USP25: variants seen among roughly 807,000 people sequenced by gnomAD.
USP25 encodes ubiquitin specific peptidase 25.
A neutral mutation model predicts 158.5 loss-of-function variants in USP25; 85 were observed. That is an observed-to-expected ratio of 0.54 (90% CI 0.45 to 0.64). The LOEUF is 0.64. Ranked by LOEUF, USP25 falls within the 30% of genes least tolerant of loss-of-function variation. The probability of loss-of-function intolerance (pLI) is 0.00; values close to 1 mark genes in which losing one functional copy is unlikely to be tolerated. For synonymous variants in USP25, 464 were observed against 460.4 expected, an observed-to-expected ratio of 1.01 and a Z score of -0.10; for missense variants, 1,242 against 1,327.3, an observed-to-expected ratio of 0.94 and a Z score of 1.00.
intron 3 of USP25, among the ~76,000 whole-genome samples, chr21:15,775,800 A>G (rs111619360): frequency 8.1e-6 from 1 of 123,522 alleles, no homozygotes; most frequent in Non-Finnish European, 1.6e-5. Flanking sequence ...AGTGCATTCT[A>G]ATGGATGAGG....
chr21:15,767,986 G>T (rs371881763), intron 3 of USP25, among the ~76,000 whole-genome samples: 114 of 152,126 alleles, frequency 7.5e-4, no homozygotes, highest in Middle Eastern at 3.4e-3. Context: ...TTTTGAATAG[G>T]TTCCCTTAGG....
At chr21:15,829,818 C>A (rs923756579) in intron 14 of USP25, among the ~76,000 whole-genome samples, 4 of 151,930 alleles carry the variant, frequency 2.6e-5, no homozygotes, top group Non-Finnish European at 5.9e-5. Flanking sequence ...AGGATCTTAT[C>A]TTTTCCTATA....
At chr21:15,874,262 A>G in intron 23 of USP25, 141 bp from the exon 24 acceptor site, 1 of 704,326 alleles carries the variant, frequency 1.4e-6, no homozygotes, top group Non-Finnish European at 2.1e-6. Flanking sequence ...TCTCAAGCAT[A>G]CACTGCGTCA....
At chr21:15,751,082 G>A (rs2032981382) in intron 1 of USP25, among the ~76,000 whole-genome samples, 1 of 152,192 alleles carries the variant, frequency 6.6e-6, no homozygotes, top group South Asian at 2.1e-4. Flanking sequence ...ACAGATGATT[G>A]GCTGCTAGAG....
chr21:15,770,948 A>G (rs2034315026), intron 3 of USP25, among the ~76,000 whole-genome samples: 1 of 152,208 alleles, frequency 6.6e-6, no homozygotes, highest in South Asian at 2.1e-4. Flanking sequence ...TTCTTGCAAC[A>G]TGATACCTTA....
In USP25 at chr21:15,730,005, T is replaced by A. The variant is rs1428239850; in HGVS notation, c.-389T>A. On this transcript the variant is annotated 5_prime_UTR_variant, in exon 1 of 26. Transcript: ENST00000400183. ...CCATTCCGGGCGGCCGCTCCCTCCG[T>A]CCCCTCTCTCCCTTCCCCAAAGCAG... 6.6e-6 allele frequency: 1 copy of A among 151,370 alleles called. No individual in the cohort carries two copies. The highest frequency in any genetic ancestry group is 1.5e-5 in the Non-Finnish European group (1 of 67,818). 9.4% of individuals were successfully genotyped at this position (151,370 alleles called of 1,614,324 possible). A position where few individuals can be genotyped will look rare whatever the true frequency, so the allele number is the denominator to read the frequency against.
chr21:15,808,778 C>A, intron 7 of USP25, 31 bp from the exon 8 acceptor site: 2 of 1,546,420 alleles, frequency 1.3e-6, no homozygotes, highest in Non-Finnish European at 1.7e-6. Context: ...TTAGTAGGCT[C>A]AAATATCAAC....
At chr21:15,806,068 G>A (rs1198320104) in intron 7 of USP25, among the ~76,000 whole-genome samples, 3 of 146,458 alleles carry the variant, frequency 2.0e-5, no homozygotes, top group Non-Finnish European at 2.9e-5. Context: ...AACAAAAAGG[G>A]CACTCACATC....
At chr21:15,753,079 C>G (rs1432541737) in intron 1 of USP25, among the ~76,000 whole-genome samples, 1 of 152,098 alleles carries the variant, frequency 6.6e-6, no homozygotes, top group Non-Finnish European at 1.5e-5. Flanking sequence ...ATTGTTGCCT[C>G]TAGGGAAAGT....
intron 3 of USP25, among the ~76,000 whole-genome samples, chr21:15,767,663 A>G (rs187965928): frequency 6.6e-6 from 1 of 152,190 alleles, no homozygotes; most frequent in East Asian, 1.9e-4. Context: ...CTCGAGGGGA[A>G]AAAGAAACTA....
chr21:15,874,833 G>T (rs1039419303), intron 24 of USP25, among the ~76,000 whole-genome samples: 6 of 152,122 alleles, frequency 3.9e-5, no homozygotes. Context: ...GAGAGGAAGG[G>T]ATGCATAGAT....
In USP25 at chr21:15,866,260, T is replaced by C; in HGVS notation, c.2727-6T>C. 1 of 1,596,044 alleles carries C rather than the reference T, an allele frequency of 6.3e-7. No individual in the cohort carries two copies. The highest frequency in any genetic ancestry group is 1.3e-5 in the African/African-American group (1 of 74,208). ...ACACGCTCATATGTATGTGTTTTTT[T>C]TTAAGGTGTCACAACATAATGAAAG... is the stretch of plus-strand genomic sequence containing the variant. On this transcript the variant is annotated splice_polypyrimidine_tract_variant and splice_region_variant and intron_variant, in intron 21 of 25. Transcript: ENST00000400183.
intron 20 of USP25, among the ~76,000 whole-genome samples, chr21:15,855,421 A>T (rs754188186): frequency 6.6e-6 from 1 of 152,110 alleles, no homozygotes; most frequent in Non-Finnish European, 1.5e-5. Context: ...TTTTTGAGTG[A>T]TACTTTCCTT....
chr21:15,827,040 T>C lies in USP25; in HGVS notation c.1530T>C (p.Ala510=). The C allele has an allele frequency of 6.2e-7, 1 of 1,614,172 alleles. No homozygotes were observed. Among genetic ancestry groups the C allele is most frequent in the Non-Finnish European group, 8.5e-7 (1 of 1,180,024 alleles). The part of the protein sequence containing the change: ...ELPSTSPSSV[A]AISSRSVIHK... ...CAAGCACATCACCTTCATCAGTTGCTGCCATTTCATCGAGATCAGTAATAC... is the reference window on the plus strand; with the variant it reads ...CAAGCACATCACCTTCATCAGTTGCCGCCATTTCATCGAGATCAGTAATAC... Residue 510 remains alanine, a synonymous_variant, in exon 14 of 26, where the codon GCT becomes GCC. Coordinates refer to ENST00000400183, the MANE Select transcript of USP25 (RefSeq NM_001283041.3).
chr21:15,872,847 T>G (rs967275427), intron 23 of USP25, among the ~76,000 whole-genome samples: 6 of 152,152 alleles, frequency 3.9e-5, no homozygotes, highest in East Asian at 3.9e-4. Flanking sequence ...AATTAAGTAA[T>G]AAACAGTAAT....
intron 16 of USP25, 51 bp downstream of exon 16, chr21:15,831,680 C>G: frequency 2.0e-6 from 3 of 1,479,794 alleles, no homozygotes; most frequent in Admixed American, 1.7e-5. Flanking sequence ...AAAAGTGGCT[C>G]TGGTATGTGG....
Position 15,831,410 on chromosome 21 carries a change from C to A in USP25, c.1774C>A (p.Arg592=). ...TTTTTTTCACATTTAGGTTCCTTATCGATTACATGCCGTTTTAGTTCACGA... is the reference window on the plus strand; with the variant it reads ...TTTTTTTCACATTTAGGTTCCTTATAGATTACATGCCGTTTTAGTTCACGA... ...SDKSMIQVPY[R]LHAVLVHEGQ... Residue 592 remains arginine (R), a synonymous_variant, in exon 16 of 26, where the codon CGA becomes AGA. Coordinates refer to ENST00000400183, the MANE Select transcript of USP25 (RefSeq NM_001283041.3). The A allele has an allele frequency of 6.2e-7, 1 of 1,613,748 alleles. No individual in the cohort carries two copies. The highest frequency in any genetic ancestry group is 1.1e-5 in the South Asian group (1 of 91,056).
chr21:15,817,317 T>C lies in USP25; in HGVS notation c.932-1381T>C, dbSNP rs117960123. Among the ~76,000 whole-genome samples the C allele has an allele frequency of 1.5e-4, 23 of 152,306 alleles. No individual in the cohort carries two copies. In the East Asian group the frequency reaches 4.3e-3, roughly 28 times the overall value. On this transcript the variant is annotated intron_variant, in intron 9 of 25. Transcript: ENST00000400183. ...CCTTCCTTGCATATATGTATAAATG[T>C]ATATGTATGTAATTTTATCTCTTTT...
chr21:15,813,781 A>ACTC (rs140218312), intron 9 of USP25, among the ~76,000 whole-genome samples: 11,641 of 151,962 alleles, frequency 0.077, 509 homozygotes, highest in East Asian at 0.098. Flanking sequence ...TCAACTGATT[A>ACTC]CTCCCCATTT....
Sources: allele counts gnomAD v4.1 joint callset (sites outside exome capture counted in the v4.1 genomes callset), GRCh38; gene constraint gnomAD v4.1.1; transcripts MANE v1.5; gene names NCBI Gene and HGNC (gene_info 2026-07-23, HGNC 2026-07-21).